LOC122513141: variants seen among roughly 807,000 people sequenced by gnomAD.
the LOC122513141 span, chr9:137,218,359 G>C: frequency 2.5e-6 from 1 of 398,314 alleles, no homozygotes; most frequent in Non-Finnish European, 4.4e-6. Flanking sequence ...GGGGCTCCCT[G>C]GAGCACCGCT....
chr9:137,218,094 C>T, the LOC122513141 span: 9 of 398,918 alleles, frequency 2.3e-5, no homozygotes, highest in East Asian at 3.2e-4. Context: ...TGCACAGAGC[C>T]CTACGGGCCC....
At chr9:137,217,834 C>T in the LOC122513141 span, 4 of 398,018 alleles carry the variant, frequency 1.0e-5, no homozygotes, top group Non-Finnish European at 1.8e-5. Flanking sequence ...CCACCCTCCA[C>T]CTGGCCGACT....
chr9:137,218,583 T>G, the LOC122513141 span: 1 of 399,174 alleles, frequency 2.5e-6, no homozygotes, highest in East Asian at 3.6e-5. Context: ...TTCGTGCTCC[T>G]GGACCGCTCT....
chr9:137,218,003 G>T, the LOC122513141 span: 4 of 399,030 alleles, frequency 1.0e-5, no homozygotes, highest in Admixed American at 1.8e-4. Flanking sequence ...AGCCATGGAG[G>T]GTGCCTGGGC....
chr9:137,218,834 C>G, the LOC122513141 span: 1 of 392,114 alleles, frequency 2.6e-6, no homozygotes, highest in African/African-American at 2.1e-5. Context: ...CTAGCTGAAC[C>G]CAAGGACACC....
At chr9:137,218,465 C>T in the LOC122513141 span, 5 of 398,456 alleles carry the variant, frequency 1.3e-5, no homozygotes, top group Non-Finnish European at 2.2e-5. Context: ...CTGGACCCTG[C>T]GGGAGCGGGG....
the LOC122513141 span, chr9:137,219,201 G>A: frequency 6.6e-6 from 1 of 152,332 alleles, no homozygotes; most frequent in South Asian, 2.1e-4. Context: ...GCTGGCCTGT[G>A]TTGCAGGGGA....
chr9:137,218,984 G>C, the LOC122513141 span: 1 of 210,948 alleles, frequency 4.7e-6, no homozygotes. Flanking sequence ...GGCCAGCTGA[G>C]CACAGCAGGC....
the LOC122513141 span, chr9:137,217,985 G>A: frequency 1.5e-5 from 6 of 398,722 alleles, no homozygotes; most frequent in African/African-American, 1.0e-4. Context: ...GCCCCTGCTG[G>A]GGGCCAAAGC....
the LOC122513141 span, chr9:137,218,650 T>C: frequency 2.5e-6 from 1 of 398,526 alleles, no homozygotes; most frequent in East Asian, 3.6e-5. Context: ...GGGCCCAGAC[T>C]GGCCCACGTC....
the LOC122513141 span, chr9:137,217,699 G>A: frequency 3.0e-6 from 1 of 329,376 alleles, no homozygotes; most frequent in Non-Finnish European, 5.5e-6. Context: ...GTCAGTGCCA[G>A]AGCTCTGGTG....
chr9:137,217,738 C>T, the LOC122513141 span: 30 of 376,038 alleles, frequency 8.0e-5, no homozygotes, highest in African/African-American at 5.0e-4. Context: ...CCCTGAGGGC[C>T]GCCCCTGTCG....
chr9:137,218,912 C>T, the LOC122513141 span: 5 of 332,752 alleles, frequency 1.5e-5, no homozygotes, highest in Admixed American at 1.5e-4. Flanking sequence ...ACCCCATTCA[C>T]CCTGCGGCAG....
chr9:137,217,653 TCA>T, the LOC122513141 span: 8 of 234,916 alleles, frequency 3.4e-5, no homozygotes, highest in Non-Finnish European at 4.9e-5. Context: ...GGGGCCCCAG[TCA>T]AGTCCACTTC....
chr9:137,218,294 T>C, the LOC122513141 span: 3 of 398,238 alleles, frequency 7.5e-6, no homozygotes, highest in Non-Finnish European at 1.3e-5. Flanking sequence ...CGACGGGCCC[T>C]CACGCCAGCC....
chr9:137,219,210 G>C, the LOC122513141 span: 1 of 152,422 alleles, frequency 6.6e-6, no homozygotes, highest in East Asian at 1.9e-4. Flanking sequence ...TGTTGCAGGG[G>C]ACAAGGGCCC....
chr9:137,218,098 C>T, the LOC122513141 span: 122 of 398,914 alleles, frequency 3.1e-4, 1 homozygote, highest in African/African-American at 1.8e-3. Flanking sequence ...CAGAGCCCTA[C>T]GGGCCCAGAG....
the LOC122513141 span, chr9:137,218,497 G>A: frequency 3.5e-5 from 14 of 398,364 alleles, no homozygotes; most frequent in African/African-American, 2.3e-4. Context: ...GCCGCCTGGC[G>A]CTGCTGAGCC....
At chr9:137,218,406 G>A in the LOC122513141 span, 2 of 398,130 alleles carry the variant, frequency 5.0e-6, no homozygotes, top group South Asian at 1.3e-4. Context: ...GTGGGCGGCC[G>A]GGGCTGCCTG....
Sources: gnomAD v4.1 joint callset for allele counts on GRCh38, gnomAD v4.1.1 for gene constraint, MANE v1.5 for transcripts.